The following KLF11 variants were observed in gnomAD, a reference collection of about 807,000 sequenced individuals.
KLF11 encodes the protein KLF transcription factor 11.
In KLF11, 26 loss-of-function variants were observed where a neutral mutation model predicts 29.9. The observed-to-expected ratio is 0.87, with a 90% CI of 0.64 to 1.21. The LOEUF (loss-of-function observed/expected upper bound fraction) is 1.21, where lower values mean the gene tolerates loss of function less well. Among genes scored for constraint, KLF11 ranks in the 50% most tolerant of loss-of-function variants. KLF11 has a pLI of 0.00. For synonymous variants in KLF11, 318 were observed against 257.4 expected, an observed-to-expected ratio of 1.24 and a Z score of -2.25; for missense variants, 778 against 665.7, an observed-to-expected ratio of 1.17 and a Z score of -1.86.
chr2:10,050,217 G>A (rs1295596689), intron 3 of KLF11, among the ~76,000 whole-genome samples: 1 of 152,072 alleles, frequency 6.6e-6, no homozygotes, highest in Non-Finnish European at 1.5e-5. Context: ...GACCAGCCTG[G>A]CCAACATGGT....
chr2:10,053,621 A>G lies in KLF11; in HGVS notation c.*1114A>G, dbSNP rs1661474984. 1 of 393,134 alleles carries G rather than the reference A, an allele frequency of 2.5e-6. No homozygotes were observed. Among genetic ancestry groups the G allele is most frequent in the African/African-American group, 2.1e-5 (1 of 48,538 alleles). The allele number at this position is 393,134 out of a possible 1,614,324, so 24.4% of individuals were successfully genotyped here. ...GGAAATGCAAGTTACGCTAAATGGCAGTAATACTACCCAACTGCCTTTCTG... is the reference window on the plus strand; with the variant it reads ...GGAAATGCAAGTTACGCTAAATGGCGGTAATACTACCCAACTGCCTTTCTG... On this transcript the variant is annotated 3_prime_UTR_variant, in exon 4 of 4. Coordinates refer to ENST00000305883, the MANE Select transcript of KLF11 (RefSeq NM_003597.5).
intron 1 of KLF11, 42 bp from the exon 2 acceptor site, chr2:10,046,108 T>C: frequency 6.2e-7 from 1 of 1,612,314 alleles, no homozygotes; most frequent in Non-Finnish European, 8.5e-7. Flanking sequence ...GGCCTCTGTA[T>C]TTCCCCTGCA....
intron 3 of KLF11, among the ~76,000 whole-genome samples, chr2:10,048,910 T>G (rs1479775195): frequency 7.7e-5 from 1 of 12,996 alleles, no homozygotes; most frequent in Non-Finnish European, 1.8e-4. Flanking sequence ...GTTTCATCCT[T>G]TTTTTTTTTT....
At chr2:10,044,471 C>T (rs1352565062) in intron 1 of KLF11, 35 of 983,358 alleles carry the variant, frequency 3.6e-5, no homozygotes, top group South Asian at 4.7e-5. Context: ...CCTCGGCGCC[C>T]GGTTCTGTGA....
rs772989476 is a variant in KLF11, at chr2:10,048,251, C to T, written c.914C>T (p.Pro305Leu). ...AGCATGTTACCAGCTTTTTTGAAGC[C>T]CCCTCCCCAGTTGTCTGTGGGGACT... ...QSSMLPAFLK[P>L]PPQLSVGTVR... The change falls in exon 3 of 4, where the codon CCC (proline) becomes CTC (leucine). Residue 305 changes from proline to leucine, a missense_variant. Coordinates refer to ENST00000305883, the MANE Select transcript of KLF11 (RefSeq NM_003597.5). The T allele has an allele frequency of 1.9e-6, 3 of 1,611,544 alleles. No individual in the cohort carries two copies. The highest frequency in any genetic ancestry group is 1.3e-5 in the African/African-American group (1 of 74,878).
intron 1 of KLF11, 53 bp downstream of exon 1, chr2:10,043,811 C>T (rs1216608262): frequency 2.6e-5 from 34 of 1,317,286 alleles, no homozygotes; most frequent in East Asian, 4.5e-5. Flanking sequence ...AGGGGCGAGG[C>T]GGGGGAAGTG....
At chr2:10,050,064 T>A (rs1471607209) in intron 3 of KLF11, among the ~76,000 whole-genome samples, 1 of 152,222 alleles carries the variant, frequency 6.6e-6, no homozygotes, top group Non-Finnish European at 1.5e-5. Flanking sequence ...ACTGACAGAA[T>A]GACCTGCAGT....
At chr2:10,050,707 C>T (rs2125281537) in intron 3 of KLF11, among the ~76,000 whole-genome samples, 1 of 151,926 alleles carries the variant, frequency 6.6e-6, no homozygotes, top group Middle Eastern at 3.4e-3. Flanking sequence ...GACTCCGTCT[C>T]AAAAAATAAA....
In KLF11 at chr2:10,048,610, A is replaced by G. The variant is rs779095738; in HGVS notation, c.1258+15A>G. On this transcript the variant is annotated intron_variant, in intron 3 of 3. Coordinates refer to ENST00000305883, the MANE Select transcript of KLF11 (RefSeq NM_003597.5). ...CACTCACACAGGTAAGCGCTGGGGC[A>G]GGTGGGGCATTGGGCACACCAGACC... The G allele has an allele frequency of 2.5e-6, 4 of 1,581,392 alleles. No homozygotes were observed. Among genetic ancestry groups the G allele is most frequent in the South Asian group, 2.2e-5 (2 of 90,692 alleles).
chr2:10,048,675 G>A (rs776619707), intron 3 of KLF11, 80 bp downstream of exon 3: 35 of 1,114,170 alleles, frequency 3.1e-5, no homozygotes, highest in Non-Finnish European at 4.7e-5. Flanking sequence ...CTTTGGCTGG[G>A]AGGGGATCAT....
chr2:10,046,972 C>T (rs1327735820), intron 2 of KLF11, among the ~76,000 whole-genome samples: 1 of 152,194 alleles, frequency 6.6e-6, no homozygotes, highest in Non-Finnish European at 1.5e-5. Flanking sequence ...GGGATGAAAC[C>T]TACAGATTAA....
At chr2:10,044,135 A>G in intron 1 of KLF11, 1 of 130,214 alleles carries the variant, frequency 7.7e-6, no homozygotes, top group Non-Finnish European at 9.2e-6. Context: ...GCGGGGCAAG[A>G]GCTGCTGGCG....
rs1223693295 is a variant in KLF11, at chr2:10,046,356, C to T, written c.249C>T (p.Thr83=). 2 of 1,614,188 alleles carry T rather than the reference C, an allele frequency of 1.2e-6. No individual in the cohort carries two copies. The highest frequency in any genetic ancestry group is 1.7e-5 in the Admixed American group (1 of 60,006). The part of the protein sequence containing the change: ...TPVSDSGDVT[T]TVHMDAATPE... ...TCTCTGACTCTGGGGATGTCACCAC[C>T]ACTGTGCATATGGATGCAGCCACAC... The change falls in exon 2 of 4, where the codon ACC becomes ACT. Residue 83 remains threonine, a synonymous_variant. Transcript: ENST00000305883.
intron 3 of KLF11, among the ~76,000 whole-genome samples, chr2:10,050,580 G>A (rs965953082): frequency 2.6e-5 from 4 of 151,354 alleles, no homozygotes; most frequent in Admixed American, 2.6e-4. Flanking sequence ...TTGGTGGCAC[G>A]CTCCTGTAGT....
In KLF11 at chr2:10,054,209, C is replaced by T. The variant is rs1185415700; in HGVS notation, c.*1702C>T. The T allele has an allele frequency of 6.6e-6, 1 of 152,170 alleles. No homozygotes were observed. The highest frequency in any genetic ancestry group is 6.5e-5 in the Admixed American group (1 of 15,286). 9.4% of individuals were successfully genotyped at this position (152,170 alleles called of 1,614,324 possible). ...TCATGTTGTGCATAGTTCATGTTTC[C>T]TCACCACCCAGTCCTTTCTCCTGCT... is the stretch of plus-strand genomic sequence containing the variant. On this transcript the variant is annotated 3_prime_UTR_variant, in exon 4 of 4. Coordinates refer to ENST00000305883, the MANE Select transcript of KLF11 (RefSeq NM_003597.5).
chr2:10,044,224 C>T (rs1661104212), intron 1 of KLF11: 2 of 861,712 alleles, frequency 2.3e-6, no homozygotes, highest in South Asian at 5.6e-5. Flanking sequence ...GCCGCTCGGG[C>T]CTGGGGGCGG....
At chr2:10,050,157 C>G (rs575695122) in intron 3 of KLF11, among the ~76,000 whole-genome samples, 139 of 152,306 alleles carry the variant, frequency 9.1e-4, no homozygotes, top group African/African-American at 3.3e-3. Flanking sequence ...GCCTGTCATC[C>G]CAGCACTTTG....
chr2:10,049,481 C>T (rs1245436699), intron 3 of KLF11, among the ~76,000 whole-genome samples: 1 of 152,194 alleles, frequency 6.6e-6, no homozygotes, highest in Non-Finnish European at 1.5e-5. Context: ...AAGAGGAACT[C>T]TACTACTCCA....
chr2:10,052,202 T>G (rs1391600944), intron 3 of KLF11, 25 bp from the exon 4 acceptor site: 1 of 1,612,550 alleles, frequency 6.2e-7, no homozygotes, highest in African/African-American at 1.3e-5. Flanking sequence ...CCTTTCTCTT[T>G]AATATGTATT....
Sources: allele counts gnomAD v4.1 joint callset (sites outside exome capture counted in the v4.1 genomes callset), GRCh38; gene constraint gnomAD v4.1.1; transcripts MANE v1.5; gene names NCBI Gene and HGNC (gene_info 2026-07-23, HGNC 2026-07-21).